The following GLT1D1 variants were observed in gnomAD, a reference collection of about 807,000 sequenced individuals.
The protein encoded by GLT1D1 is glycosyltransferase 1 domain-containing protein 1.
A neutral mutation model predicts 28.7 loss-of-function variants in GLT1D1; 21 were observed. The observed-to-expected ratio is 0.73, with a 90% CI of 0.52 to 1.05. The LOEUF is 1.05. Among genes scored for constraint, GLT1D1 ranks in the 50% least tolerant of loss-of-function variants. The pLI is 0.00. For missense variants in GLT1D1, 343 were observed against 330.6 expected (o/e 1.04, Z -0.29); for synonymous variants, 147 against 124.8 (o/e 1.18, Z -1.19).
chr12:128,895,734 C>T (rs767669771), intron 3 of GLT1D1, among the ~76,000 whole-genome samples: 10 of 152,046 alleles, frequency 6.6e-5, no homozygotes, highest in Admixed American at 1.3e-4. Flanking sequence ...GCTGAGATTA[C>T]AGGCGTGAAC....
chr12:128,909,044 C>G (rs1326182134), intron 4 of GLT1D1, among the ~76,000 whole-genome samples: 1 of 152,194 alleles, frequency 6.6e-6, no homozygotes, highest in Non-Finnish European at 1.5e-5. Context: ...GCTAGTCTCC[C>G]GTTTCTGACC....
chr12:128,934,311 C>T (rs1443762961), intron 4 of GLT1D1, among the ~76,000 whole-genome samples: 1 of 147,524 alleles, frequency 6.8e-6, no homozygotes, highest in South Asian at 2.2e-4. Flanking sequence ...TCAAACGATT[C>T]TCCTTCCAAG....
intron 7 of GLT1D1, among the ~76,000 whole-genome samples, chr12:128,962,095 G>A (rs545782645): frequency 1.3e-5 from 2 of 149,442 alleles, no homozygotes; most frequent in Non-Finnish European, 3.0e-5. Flanking sequence ...TCCACCTCCC[G>A]CCACTTGTGT....
chr12:128,976,483 A>G (rs1469453981), intron 7 of GLT1D1, among the ~76,000 whole-genome samples: 1 of 152,212 alleles, frequency 6.6e-6, no homozygotes. Context: ...CGAGATCTTT[A>G]ACGACGGCGG....
At chr12:128,969,634 G>A (rs536360587) in intron 7 of GLT1D1, among the ~76,000 whole-genome samples, 5 of 152,308 alleles carry the variant, frequency 3.3e-5, no homozygotes, top group South Asian at 2.1e-4. Flanking sequence ...GGAGGCACTC[G>A]GGGCTCCTCC....
chr12:128,876,329 C>T (rs1419220856), intron 2 of GLT1D1, among the ~76,000 whole-genome samples: 1 of 152,072 alleles, frequency 6.6e-6, no homozygotes, highest in Non-Finnish European at 1.5e-5. Flanking sequence ...TTTTTTGGGA[C>T]AGGGTCTCTC....
At chr12:128,863,058 AGGAGACAC>A (rs369753098) in intron 1 of GLT1D1, among the ~76,000 whole-genome samples, 2 of 152,318 alleles carry the variant, frequency 1.3e-5, no homozygotes, top group East Asian at 3.9e-4. Context: ...ACAGACTCAT[AGGAGACAC>A]GGCACACACC....
intron 7 of GLT1D1, among the ~76,000 whole-genome samples, chr12:128,966,684 G>T (rs368524375): frequency 6.6e-6 from 1 of 152,182 alleles, no homozygotes; most frequent in Non-Finnish European, 1.5e-5. Context: ...ACAGGGTCCC[G>T]GGGTGGGGGT....
Position 128,862,328 on chromosome 12 carries a change from C to CAA in GLT1D1, c.68+8697_68+8698dup, listed in dbSNP as rs34391238. ...TGGGTGACAGAGTGAGACTCTGTCT[C>CAA]AAAAAAAAAAAAAAAAAAACCACAA... On this transcript the variant is annotated intron_variant, in intron 1 of 7. Coordinates refer to ENST00000281703, the MANE Select transcript of GLT1D1 (RefSeq NM_144669.3). Among the ~76,000 whole-genome samples, 281 of 87,976 alleles carry CAA rather than the reference C, an allele frequency of 3.2e-3. 2 individuals are homozygous for CAA. The highest frequency in any genetic ancestry group is 9.1e-3 in the East Asian group (26 of 2,862). The allele number at this position is 87,976 out of a possible 152,430, so 57.7% of individuals were successfully genotyped here. A position where few individuals can be genotyped will look rare whatever the true frequency, so the allele number is the denominator to read the frequency against.
chr12:128,896,394 A>G (rs1876297925), intron 3 of GLT1D1, among the ~76,000 whole-genome samples: 1 of 152,104 alleles, frequency 6.6e-6, no homozygotes, highest in Non-Finnish European at 1.5e-5. Context: ...CAATGTAGAA[A>G]TTTTGAAAAG....
chr12:128,869,323 C>T (rs945307333), intron 1 of GLT1D1, among the ~76,000 whole-genome samples: 1 of 152,110 alleles, frequency 6.6e-6, no homozygotes, highest in Non-Finnish European at 1.5e-5. Context: ...GCGTGAACCA[C>T]CACGCCTGGC....
chr12:128,967,222 A>G (rs1207393910), intron 7 of GLT1D1, among the ~76,000 whole-genome samples: 1 of 149,846 alleles, frequency 6.7e-6, no homozygotes, highest in Non-Finnish European at 1.5e-5. Flanking sequence ...CTCTGGCCAT[A>G]GTGTTCTATG....
intron 7 of GLT1D1, among the ~76,000 whole-genome samples, chr12:128,971,474 C>CCCTCCCTCTCTCTA (rs1261376980): frequency 1.1e-4 from 6 of 57,074 alleles, no homozygotes; most frequent in South Asian, 8.5e-4. Flanking sequence ...CCCTCTGCCT[C>CCCTCCCTCTCTCTA]CCTCCCTCCC....
intron 6 of GLT1D1, among the ~76,000 whole-genome samples, chr12:128,950,613 C>G (rs376639223): frequency 4.8e-4 from 73 of 152,316 alleles, no homozygotes; most frequent in Non-Finnish European, 7.5e-4. Context: ...GGTGCCCCCC[C>G]CTCACAGATC....
At chr12:128,974,507 C>A (rs1456180124) in intron 7 of GLT1D1, among the ~76,000 whole-genome samples, 2 of 152,190 alleles carry the variant, frequency 1.3e-5, no homozygotes, top group Non-Finnish European at 2.9e-5. Context: ...CTTTGACCAG[C>A]ACAATCGACC....
chr12:128,886,279 C>T (rs1868380187), intron 2 of GLT1D1, among the ~76,000 whole-genome samples: 1 of 152,066 alleles, frequency 6.6e-6, no homozygotes, highest in African/African-American at 2.4e-5. Context: ...TAATACAGTC[C>T]CTTTGTGGCA....
chr12:128,882,276 T>G (rs1262616610), intron 2 of GLT1D1, among the ~76,000 whole-genome samples: 3 of 123,906 alleles, frequency 2.4e-5, no homozygotes, highest in African/African-American at 1.4e-4. Flanking sequence ...ATAACGCAAT[T>G]TTTTTTTTTT....
At chr12:128,914,397 C>T (rs182108222) in intron 4 of GLT1D1, among the ~76,000 whole-genome samples, 25 of 152,230 alleles carry the variant, frequency 1.6e-4, no homozygotes, top group Admixed American at 7.2e-4. Flanking sequence ...GAAAGGGGTG[C>T]GTCTTTTCTC....
Position 128,984,335 on chromosome 12 carries a change from A to AT in GLT1D1, c.*1252dup, listed in dbSNP as rs3830587. The AT allele has an allele frequency of 0.22, 34,000 of 151,616 alleles. 3,939 individuals carry two copies. Among genetic ancestry groups the AT allele is most frequent in the East Asian group, 0.41 (2,096 of 5,124 alleles). The allele number at this position is 151,616 out of a possible 1,614,324, so 9.4% of individuals were successfully genotyped here. ...TTCAGCTTTCATGTTTTCAACCATC[A>AT]TTTTTTTAATGGCACAACCTACATC... On this transcript the variant is annotated 3_prime_UTR_variant, in exon 8 of 8. Coordinates refer to ENST00000281703, the MANE Select transcript of GLT1D1 (RefSeq NM_144669.3).
Sources: allele counts gnomAD v4.1 joint callset (sites outside exome capture counted in the v4.1 genomes callset), GRCh38; gene constraint gnomAD v4.1.1; transcripts MANE v1.5; gene names NCBI Gene and HGNC (gene_info 2026-07-23, HGNC 2026-07-21).